The following RBFOX1 variants were observed in gnomAD, a reference collection of about 807,000 sequenced individuals.
The protein encoded by RBFOX1 is RNA binding fox-1 homolog 1, also known as RNA binding protein fox-1 homolog 1.
A neutral mutation model predicts 57.7 loss-of-function variants in RBFOX1; 8 were observed. The observed-to-expected ratio is 0.14, with a 90% CI of 0.08 to 0.25. The LOEUF (loss-of-function observed/expected upper bound fraction) is 0.25, where lower values mean the gene tolerates loss of function less well. Among genes scored for constraint, RBFOX1 ranks in the 10% least tolerant of loss-of-function variants. RBFOX1 has a pLI of 1.00. For synonymous variants in RBFOX1, 326 were observed against 222.4 expected (o/e 1.47, Z -4.15); for missense variants, 611 against 548.5 (o/e 1.11, Z -1.14).
In RBFOX1 at chr16:5,758,441, T is replaced by C. The variant is rs1032480052; in HGVS notation, c.319-108862T>C. Among the ~76,000 whole-genome samples the C allele has an allele frequency of 2.0e-5, 3 of 151,688 alleles. No individual in the cohort carries two copies. In the East Asian group the frequency reaches 5.8e-4, roughly 29 times the overall value. On this transcript the variant is annotated intron_variant, in intron 3 of 19. Coordinates refer to the RBFOX1 transcript ENST00000641259. ...TAGACTGGGGGAGAAAGAAGAGAGG[T>C]TGGCCTCAGCAATTAACCCCAAAGC...
chr16:7,465,177 A>C (rs1448092495), intron 4 of RBFOX1, among the ~76,000 whole-genome samples: 3 of 152,068 alleles, frequency 2.0e-5, no homozygotes, highest in Non-Finnish European at 4.4e-5. Context: ...CCTCCTTTTG[A>C]CATTCTTTAC....
At chr16:5,699,179 G>C (rs1454151067) in intron 3 of RBFOX1, among the ~76,000 whole-genome samples, 1 of 151,306 alleles carries the variant, frequency 6.6e-6, no homozygotes, top group African/African-American at 2.4e-5. Flanking sequence ...GTAGAGATGA[G>C]GTTTCACCAT....
At chr16:6,906,833 C>T (rs1190153757) in intron 3 of RBFOX1, among the ~76,000 whole-genome samples, 1 of 151,862 alleles carries the variant, frequency 6.6e-6, no homozygotes, top group African/African-American at 2.4e-5. Flanking sequence ...AGCAATTCTC[C>T]TGCCTCAGCC....
At chr16:5,912,934 C>T (rs1034430319) in intron 4 of RBFOX1, among the ~76,000 whole-genome samples, 1 of 152,286 alleles carries the variant, frequency 6.6e-6, no homozygotes, top group African/African-American at 2.4e-5. Flanking sequence ...GGAGGCAGGA[C>T]AGCTGACCTG....
intron 2 of RBFOX1, among the ~76,000 whole-genome samples, chr16:6,578,201 T>C (rs1008150443): frequency 1.3e-5 from 2 of 152,220 alleles, no homozygotes; most frequent in Non-Finnish European, 2.9e-5. Context: ...TTACCTCATA[T>C]CTTACGTAGT....
In RBFOX1 at chr16:7,407,498, A is replaced by C. The variant is rs1017829319; in HGVS notation, c.28-110649A>C. Among the ~76,000 whole-genome samples, 4 of 152,148 alleles carry C rather than the reference A, an allele frequency of 2.6e-5. No homozygotes were observed. In the East Asian group the frequency reaches 7.8e-4, roughly 30 times the overall value. On this transcript the variant is annotated intron_variant, in intron 4 of 15. Transcript: ENST00000550418. ...GGTATGATTATCATCAATCATATGC[A>C]TCTTTGTATCCCCAGAGGCTGCTAT...
intron 4 of RBFOX1, among the ~76,000 whole-genome samples, chr16:7,452,609 A>G (rs892744063): frequency 6.6e-6 from 1 of 152,228 alleles, no homozygotes; most frequent in Non-Finnish European, 1.5e-5. Flanking sequence ...CATGAAATGT[A>G]TCAGGCACTT....
At chr16:6,907,607 G>T (rs1333899896) in intron 3 of RBFOX1, among the ~76,000 whole-genome samples, 1 of 152,080 alleles carries the variant, frequency 6.6e-6, no homozygotes, top group Non-Finnish European at 1.5e-5. Context: ...TCTCACTCTG[G>T]TTGCCCAGGC....
At chr16:6,264,183 G>A (rs545252357) in intron 1 of RBFOX1, among the ~76,000 whole-genome samples, 5 of 152,102 alleles carry the variant, frequency 3.3e-5, no homozygotes, top group Admixed American at 6.5e-5. Flanking sequence ...GTTTTTCAGT[G>A]TTCTCTTGGA....
intron 1 of RBFOX1, among the ~76,000 whole-genome samples, chr16:6,203,460 A>G (rs949605163): frequency 6.6e-6 from 1 of 152,192 alleles, no homozygotes; most frequent in Non-Finnish European, 1.5e-5. Context: ...CACTGCATGT[A>G]TGCCATTTTC....
chr16:6,610,627 A>C (rs1369555861), intron 2 of RBFOX1, among the ~76,000 whole-genome samples: 3 of 152,112 alleles, frequency 2.0e-5, no homozygotes, highest in African/African-American at 7.2e-5. Context: ...ACTACACCCC[A>C]CCCGATCAAC....
rs1292071083 is a variant in RBFOX1, at chr16:7,710,494, G to A, written c.1072-129G>A. 4.5e-6 allele frequency: 7 copies of A among 1,551,090 alleles called. No individual in the cohort carries two copies. In the Admixed American group the frequency reaches 8.6e-5, roughly 19 times the overall value. The stretch of plus-strand genomic sequence containing the variant: ...ATCTTTAGTTCTCCAAGAATGACCT[G>A]GGATGGGTAGGGGGTGCCTCCATTT... On this transcript the variant is annotated intron_variant, in intron 15 of 15. Transcript: ENST00000550418.
Position 6,719,840 on chromosome 16 carries a change from C to A in RBFOX1, c.-16+65190C>A, listed in dbSNP as rs187787627. On this transcript the variant is annotated intron_variant, in intron 3 of 15. Transcript: ENST00000550418. ...GGGCATGGCTGCTCACACCTGTAAT[C>A]TCAGCACTTTGGGAAGCCTGGGCGG... 3.3e-3 allele frequency among the ~76,000 whole-genome samples: 509 copies of A among 152,124 alleles called. 1 individual carries two copies. Among genetic ancestry groups the A allele is most frequent in the Middle Eastern group, 0.027 (8 of 294 alleles).
chr16:5,462,540 G>C (rs2068825020), intron 1 of RBFOX1, among the ~76,000 whole-genome samples: 1 of 152,124 alleles, frequency 6.6e-6, no homozygotes, highest in South Asian at 2.1e-4. Context: ...AATAACTCAA[G>C]TTTTACCAGA....
At chr16:6,196,364 T>C (rs917155687) in intron 1 of RBFOX1, among the ~76,000 whole-genome samples, 1 of 152,242 alleles carries the variant, frequency 6.6e-6, no homozygotes, top group Admixed American at 6.5e-5. Flanking sequence ...TTCAGTTTCA[T>C]CATCTATGAA....
At chr16:6,101,362 C>G (rs192437607) in intron 1 of RBFOX1, among the ~76,000 whole-genome samples, 3 of 152,312 alleles carry the variant, frequency 2.0e-5, no homozygotes, top group African/African-American at 7.2e-5. Flanking sequence ...TGTCCTCATA[C>G]TGAACCAAGT....
rs1176964992 is a variant in RBFOX1, at chr16:6,911,445, G to A, written c.-15-140612G>A. The stretch of plus-strand genomic sequence containing the variant: ...TTGCTGGCAACGCATGGTGCTGCTT[G>A]GGTTTTAACTCTGTCAGTGTGATCT... On this transcript the variant is annotated intron_variant, in intron 3 of 15. Transcript: ENST00000550418. Among the ~76,000 whole-genome samples the A allele has an allele frequency of 2.0e-5, 3 of 152,126 alleles. No homozygotes were observed. The East Asian group carries it at 5.8e-4, about 29-fold the overall frequency.
chr16:6,426,059 T>A (rs750412787), intron 2 of RBFOX1, among the ~76,000 whole-genome samples: 1 of 147,318 alleles, frequency 6.8e-6, no homozygotes, highest in Non-Finnish European at 1.5e-5. Context: ...GCTAGCTGTT[T>A]CTCTGTCTCT....
At chr16:5,453,282 A>G (rs2068483634) in intron 1 of RBFOX1, among the ~76,000 whole-genome samples, 1 of 152,188 alleles carries the variant, frequency 6.6e-6, no homozygotes, top group Non-Finnish European at 1.5e-5. Context: ...TAATATACAG[A>G]CAACCAATAA....
Sources: gnomAD v4.1 joint callset for allele counts (sites outside exome capture counted in the v4.1 genomes callset) on GRCh38, gnomAD v4.1.1 for gene constraint, MANE v1.5 for transcripts, NCBI Gene and HGNC (gene_info 2026-07-23, HGNC 2026-07-21) for gene names.